The following PAPPA variants were observed in gnomAD, a reference collection of about 807,000 sequenced individuals.
The protein encoded by PAPPA is pappalysin-1.
A neutral mutation model predicts 164.0 loss-of-function variants in PAPPA; 60 were observed. The observed-to-expected ratio is 0.37, with a 90% CI of 0.30 to 0.45. The LOEUF is 0.45. Among genes scored for constraint, PAPPA ranks in the 20% least tolerant of loss-of-function variants. The probability of loss-of-function intolerance (pLI) is 1.00; values close to 1 mark genes in which losing one functional copy is unlikely to be tolerated. For synonymous variants in PAPPA, 875 were observed against 814.1 expected, an observed-to-expected ratio of 1.07 and a Z score of -1.27; for missense variants, 1,782 against 2,087.3, an observed-to-expected ratio of 0.85 and a Z score of 2.85.
At chr9:116,374,088 ATGG>A (rs1472766197) in intron 19 of PAPPA, among the ~76,000 whole-genome samples, 1 of 151,756 alleles carries the variant, frequency 6.6e-6, no homozygotes, top group Non-Finnish European at 1.5e-5. Context: ...GCTGGTGATG[ATGG>A]TGGTGGTAGT....
Position 116,227,283 on chromosome 9 carries a change from T to C in PAPPA, c.2112-148T>C, listed in dbSNP as rs549522675. 1.7e-5 allele frequency: 14 copies of C among 829,448 alleles called. No homozygotes were observed. The East Asian group carries it at 3.2e-4, about 19-fold the overall frequency. The allele number at this position is 829,448 out of a possible 1,614,324, so 51.4% of individuals were successfully genotyped here. On this transcript the variant is annotated intron_variant, in intron 5 of 21. Coordinates refer to ENST00000328252, the MANE Select transcript of PAPPA (RefSeq NM_002581.5). ...GGGGAGGCATTTCACTTACGGTTAT[T>C]TCCAGAAGCCTTGGCATATGTAGGC...
At chr9:116,272,435 C>T (rs1845148085) in intron 9 of PAPPA, among the ~76,000 whole-genome samples, 1 of 152,228 alleles carries the variant, frequency 6.6e-6, no homozygotes, top group African/African-American at 2.4e-5. Flanking sequence ...GCATTGCATC[C>T]TCGCATCTGC....
At chr9:116,204,420 GGTTTT>G (rs1844207423) in intron 2 of PAPPA, among the ~76,000 whole-genome samples, 2 of 152,080 alleles carry the variant, frequency 1.3e-5, no homozygotes, top group Admixed American at 6.5e-5. Context: ...GTTTGCTTTT[GGTTTT>G]GTTTTAAGAG....
chr9:116,396,957 C>A lies in PAPPA; in HGVS notation c.*341C>A. 3.5e-6 allele frequency: 1 copy of A among 287,518 alleles called. No individual in the cohort carries two copies. The highest frequency in any genetic ancestry group is 6.6e-6 in the Non-Finnish European group (1 of 152,318). 17.8% of individuals were successfully genotyped at this position (287,518 alleles called of 1,614,324 possible). On this transcript the variant is annotated 3_prime_UTR_variant, in exon 22 of 22. Transcript: ENST00000328252. ...AGTGTGCCCATCTGTGTTTAGTACA[C>A]ATGCATGCATACACACCCATACAAA...
intron 1 of PAPPA, among the ~76,000 whole-genome samples, chr9:116,179,644 C>G (rs1843880037): frequency 1.3e-5 from 2 of 152,170 alleles, no homozygotes; most frequent in Non-Finnish European, 2.9e-5. Flanking sequence ...GGTGATATCC[C>G]AGCCTTCCTC....
intron 16 of PAPPA, 48 bp downstream of exon 16, chr9:116,352,964 GT>G: frequency 6.9e-7 from 1 of 1,443,658 alleles, no homozygotes. Context: ...GAGGACAAGA[GT>G]TAGGTTCAAA....
At chr9:116,201,457 G>A (rs762264486) in intron 2 of PAPPA, among the ~76,000 whole-genome samples, 1 of 152,148 alleles carries the variant, frequency 6.6e-6, no homozygotes, top group South Asian at 2.1e-4. Flanking sequence ...TGTGAAGAAG[G>A]TAAACACATT....
At chr9:116,280,044 A>T (rs1337864758) in intron 9 of PAPPA, among the ~76,000 whole-genome samples, 1 of 151,848 alleles carries the variant, frequency 6.6e-6, no homozygotes, top group African/African-American at 2.4e-5. Context: ...TTGTGTGAAA[A>T]CCTCACTGCT....
intron 1 of PAPPA, among the ~76,000 whole-genome samples, chr9:116,169,672 G>A (rs1843754974): frequency 6.6e-6 from 1 of 151,516 alleles, no homozygotes; most frequent in Admixed American, 6.6e-5. Context: ...AATTGTAAGG[G>A]ATGTGTCCAT....
At chr9:116,328,457 AC>A (rs1418638688) in intron 10 of PAPPA, among the ~76,000 whole-genome samples, 1 of 152,132 alleles carries the variant, frequency 6.6e-6, no homozygotes, top group African/African-American at 2.4e-5. Flanking sequence ...TGAAGCCATC[AC>A]CTAATTTGTC....
intron 8 of PAPPA, among the ~76,000 whole-genome samples, chr9:116,266,896 A>G (rs1376221267): frequency 6.6e-6 from 1 of 152,230 alleles, no homozygotes; most frequent in Non-Finnish European, 1.5e-5. Flanking sequence ...AAGTCACACT[A>G]TTGCTAAGAG....
chr9:116,231,676 T>C (rs200703406), intron 6 of PAPPA, among the ~76,000 whole-genome samples: 13 of 50,216 alleles, frequency 2.6e-4, no homozygotes, highest in Non-Finnish European at 4.3e-4. Flanking sequence ...GATGGATGGA[T>C]GGATGGATGG....
At chr9:116,359,425 G>C (rs1846395232) in intron 17 of PAPPA, among the ~76,000 whole-genome samples, 1 of 152,128 alleles carries the variant, frequency 6.6e-6, no homozygotes, top group Non-Finnish European at 1.5e-5. Context: ...GAGATTTTCA[G>C]CCCTCTTATA....
chr9:116,153,992 G>A lies in PAPPA; in HGVS notation c.-181G>A, dbSNP rs1226090872. 8 of 639,480 alleles carry A rather than the reference G, an allele frequency of 1.3e-5. No individual in the cohort carries two copies. Among genetic ancestry groups the A allele is most frequent in the African/African-American group, 5.9e-5 (3 of 51,140 alleles). The allele number at this position is 639,480 out of a possible 1,614,324, so 39.6% of individuals were successfully genotyped here. A position where few individuals can be genotyped will look rare whatever the true frequency, so the allele number is the denominator to read the frequency against. ...AGTTGGGCTGTATTTTTCAAAGGTG[G>A]GGAGAGTGGAGCACACACCTTGAGG... On this transcript the variant is annotated 5_prime_UTR_variant, in exon 1 of 22. Coordinates refer to ENST00000328252, the MANE Select transcript of PAPPA (RefSeq NM_002581.5).
At chr9:116,298,433 T>G (rs1256083710) in intron 9 of PAPPA, among the ~76,000 whole-genome samples, 1 of 152,362 alleles carries the variant, frequency 6.6e-6, no homozygotes, top group East Asian at 1.9e-4. Context: ...GATTTCTAAA[T>G]GTGTCACCAC....
intron 10 of PAPPA, chr9:116,316,307 A>T (rs1845787120): frequency 6.6e-6 from 1 of 152,254 alleles, no homozygotes; most frequent in African/African-American, 2.4e-5. Context: ...CTGAAATTCC[A>T]ACTCACATTC....
chr9:116,183,294 C>T (rs1843928648), intron 1 of PAPPA, among the ~76,000 whole-genome samples: 1 of 152,152 alleles, frequency 6.6e-6, no homozygotes, highest in South Asian at 2.1e-4. Context: ...TTCCAATCAA[C>T]ACATATTTTT....
intron 6 of PAPPA, among the ~76,000 whole-genome samples, chr9:116,231,660 CGGATGGATGGATGGAT>C (rs199915317): frequency 0.42 from 59,456 of 143,054 alleles, 12,918 homozygotes; most frequent in East Asian, 0.59. Flanking sequence ...AATGAATGGG[CGGATGGATGGATGGAT>C]GGATGGATGG....
chr9:116,371,589 T>A (rs1846574759), intron 19 of PAPPA, among the ~76,000 whole-genome samples: 1 of 152,160 alleles, frequency 6.6e-6, no homozygotes, highest in Non-Finnish European at 1.5e-5. Flanking sequence ...TTTCTACTTT[T>A]CTTTTTTTCA....
Sources: gnomAD v4.1 joint callset for allele counts (sites outside exome capture counted in the v4.1 genomes callset) on GRCh38, gnomAD v4.1.1 for gene constraint, MANE v1.5 for transcripts, NCBI Gene and HGNC (gene_info 2026-07-23, HGNC 2026-07-21) for gene names.